Variants in DLG2 observed in about 807,000 individuals in gnomAD.
The protein encoded by DLG2 is disks large homolog 2.
A neutral mutation model predicts 132.5 loss-of-function variants in DLG2; 45 were observed. The ratio of observed to expected loss-of-function variants is 0.34; its 90% CI spans 0.27 to 0.44. DLG2 has a LOEUF of 0.44. Ranked by LOEUF, DLG2 falls within the 20% of genes least tolerant of loss-of-function variation. The probability of loss-of-function intolerance (pLI) is 1.00; values close to 1 mark genes in which losing one functional copy is unlikely to be tolerated. For missense variants in DLG2, 1,045 were observed against 1,196.9 expected (o/e 0.87, Z 1.87); for synonymous variants, 424 against 419.6 (o/e 1.01, Z -0.13).
chr11:84,293,102 A>C (rs1305648948), intron 7 of DLG2, among the ~76,000 whole-genome samples: 1 of 151,946 alleles, frequency 6.6e-6, no homozygotes, highest in Admixed American at 6.6e-5. Flanking sequence ...GGAGCCAATG[A>C]AGGATCTTAA....
chr11:85,181,612 T>C (rs2079708950), intron 4 of DLG2, among the ~76,000 whole-genome samples: 1 of 151,788 alleles, frequency 6.6e-6, no homozygotes, highest in African/African-American at 2.4e-5. Flanking sequence ...CACTCACAAA[T>C]AGGCAGTAAC....
chr11:84,729,412 T>A (rs937407654), intron 6 of DLG2, among the ~76,000 whole-genome samples: 1 of 152,152 alleles, frequency 6.6e-6, no homozygotes. Context: ...TAATCCTGAG[T>A]TCTAATTTGA....
At chr11:83,681,247 G>A (rs1331513997) in intron 18 of DLG2, among the ~76,000 whole-genome samples, 4 of 152,162 alleles carry the variant, frequency 2.6e-5, no homozygotes, top group Admixed American at 2.6e-4. Flanking sequence ...GAGAGTCTAA[G>A]AAGGTACAGC....
intron 6 of DLG2, among the ~76,000 whole-genome samples, chr11:84,814,837 T>C (rs559247235): frequency 6.6e-6 from 1 of 152,250 alleles, no homozygotes; most frequent in Admixed American, 6.5e-5. Context: ...ATAATAACAA[T>C]ATGGAAAGAG....
intron 6 of DLG2, among the ~76,000 whole-genome samples, chr11:84,770,797 T>C (rs1374844717): frequency 6.6e-6 from 1 of 151,162 alleles, no homozygotes; most frequent in Non-Finnish European, 1.5e-5. Flanking sequence ...AGGTGCCAGC[T>C]ACCACGCCTG....
intron 7 of DLG2, among the ~76,000 whole-genome samples, chr11:84,270,240 T>C (rs1174888405): frequency 1.3e-5 from 2 of 152,212 alleles, no homozygotes; most frequent in Non-Finnish European, 2.9e-5. Context: ...ATGCATTTAA[T>C]AAATATTTAG....
At chr11:85,271,765 T>G (rs1385465239) in intron 4 of DLG2, among the ~76,000 whole-genome samples, 1 of 152,244 alleles carries the variant, frequency 6.6e-6, no homozygotes, top group Admixed American at 6.5e-5. Context: ...TTGGGCCAAT[T>G]TCTCCCATTT....
At chr11:85,304,163 A>T (rs142011789) in intron 3 of DLG2, among the ~76,000 whole-genome samples, 35 of 152,290 alleles carry the variant, frequency 2.3e-4, no homozygotes, top group African/African-American at 8.2e-4. Flanking sequence ...GGAACCCTAC[A>T]TTTTCCAGGA....
At chr11:84,768,386 G>GT (rs1396219814) in intron 6 of DLG2, among the ~76,000 whole-genome samples, 1 of 152,028 alleles carries the variant, frequency 6.6e-6, no homozygotes, top group Non-Finnish European at 1.5e-5. Flanking sequence ...AATTAGTATT[G>GT]TTTTTTCATA....
At chr11:84,609,814 T>C (rs763469708) in intron 6 of DLG2, among the ~76,000 whole-genome samples, 1 of 152,174 alleles carries the variant, frequency 6.6e-6, no homozygotes, top group Non-Finnish European at 1.5e-5. Context: ...CTGGCAGCAT[T>C]TAATGGTTAG....
intron 10 of DLG2, among the ~76,000 whole-genome samples, chr11:84,087,622 T>C (rs1222919581): frequency 1.3e-5 from 2 of 152,186 alleles, no homozygotes; most frequent in Non-Finnish European, 2.9e-5. Context: ...TCTTGGATTA[T>C]CCTGGGGTGT....
In DLG2 at chr11:85,372,558, G is replaced by A. The variant is rs147339020; in HGVS notation, c.41-87193C>T. ...GTTAAAACACACAGTGCAGGTGAGC[G>A]TGGCTGATTACTGCCAATTAAGGCA... On this transcript the variant is annotated intron_variant, in intron 3 of 27. Coordinates refer to ENST00000376104, the MANE Select transcript of DLG2 (RefSeq NM_001142699.3). Among the ~76,000 whole-genome samples, 612 of 152,334 alleles carry A rather than the reference G, an allele frequency of 4.0e-3. 4 individuals carry two copies. The highest frequency in any genetic ancestry group is 0.014 in the African/African-American group (591 of 41,584).
At chr11:84,938,305 C>G (rs946204092) in intron 6 of DLG2, among the ~76,000 whole-genome samples, 11 of 152,106 alleles carry the variant, frequency 7.2e-5, no homozygotes, top group Non-Finnish European at 1.6e-4. Context: ...TTATTCATTA[C>G]TCTTGATAAG....
chr11:83,963,841 AC>A (rs1565829462), intron 13 of DLG2, among the ~76,000 whole-genome samples: 1 of 151,842 alleles, frequency 6.6e-6, no homozygotes, highest in Non-Finnish European at 1.5e-5. Context: ...CTCCTACCTA[AC>A]CCATCTCAGA....
intron 3 of DLG2, among the ~76,000 whole-genome samples, chr11:85,527,765 T>A (rs2153188120): frequency 6.6e-6 from 1 of 152,336 alleles, no homozygotes; most frequent in East Asian, 1.9e-4. Context: ...CCTTGAGGCA[T>A]CACCACACTG....
chr11:84,991,065 C>T (rs981694416), intron 6 of DLG2, among the ~76,000 whole-genome samples: 2 of 152,122 alleles, frequency 1.3e-5, no homozygotes, highest in African/African-American at 4.8e-5. Flanking sequence ...GTACAATCAA[C>T]AAATTACCAG....
intron 3 of DLG2, among the ~76,000 whole-genome samples, chr11:85,393,367 G>A (rs940454446): frequency 1.3e-5 from 2 of 152,108 alleles, no homozygotes; most frequent in African/African-American, 4.8e-5. Flanking sequence ...CTTTTACACT[G>A]TTGGTGGGAA....
intron 7 of DLG2, among the ~76,000 whole-genome samples, chr11:84,486,913 C>T (rs889245041): frequency 2.0e-5 from 3 of 152,058 alleles, no homozygotes; most frequent in Non-Finnish European, 1.5e-5. Context: ...AGATATAATG[C>T]ATGTATAAGA....
intron 3 of DLG2, among the ~76,000 whole-genome samples, chr11:85,425,183 G>A (rs2090619140): frequency 6.6e-6 from 1 of 152,130 alleles, no homozygotes; most frequent in South Asian, 2.1e-4. Context: ...AAGGTTTAAA[G>A]CAGAACATCT....
Sources: allele counts gnomAD v4.1 joint callset (sites outside exome capture counted in the v4.1 genomes callset), GRCh38; gene constraint gnomAD v4.1.1; transcripts MANE v1.5; gene names NCBI Gene and HGNC (gene_info 2026-07-23, HGNC 2026-07-21).